NRG1: variants seen among roughly 807,000 people sequenced by gnomAD.
NRG1 encodes pro-neuregulin-1, membrane-bound isoform.
NRG1 carries 18 observed loss-of-function variants against 63.8 expected under a neutral mutation model. The ratio of observed to expected loss-of-function variants is 0.28; its 90% CI spans 0.19 to 0.42. The LOEUF is 0.42. Among genes scored for constraint, NRG1 ranks in the 10% least tolerant of loss-of-function variants. NRG1 has a pLI of 1.00. For synonymous variants in NRG1, 302 were observed against 301.3 expected (o/e 1.00, Z -0.02); for missense variants, 762 against 814.7 (o/e 0.94, Z 0.79).
intron 1 of NRG1, among the ~76,000 whole-genome samples, chr8:32,019,502 T>G (rs144201239): frequency 2.6e-5 from 4 of 152,380 alleles, no homozygotes; most frequent in Admixed American, 6.5e-5. Flanking sequence ...TTCACTTTAT[T>G]AATAATGTCT....
At chr8:32,537,806 C>T (rs1356510350) in intron 1 of NRG1, among the ~76,000 whole-genome samples, 2 of 152,120 alleles carry the variant, frequency 1.3e-5, no homozygotes, top group East Asian at 3.9e-4. Context: ...TACACCAGTG[C>T]TTTTTCAAGG....
At position 31,691,474 on chromosome 8, in the gene NRG1, A is replaced by G. The variant is rs144518332; in HGVS notation, c.37+52043A>G. ...GCTGGGCGCAGTGGCGGGCAACTGT[A>G]GTCCCAGCTACTCGGGAGGCTGAGG... On this transcript the variant is annotated intron_variant, in intron 1 of 10. Transcript: ENST00000519301. Among the ~76,000 whole-genome samples, 1,358 of 151,812 alleles carry G rather than the reference A, an allele frequency of 8.9e-3. 20 individuals carry two copies. The highest frequency in any genetic ancestry group is 0.031 in the African/African-American group (1,292 of 41,442).
intron 1 of NRG1, among the ~76,000 whole-genome samples, chr8:32,350,156 C>T (rs1337364216): frequency 6.6e-6 from 1 of 152,120 alleles, no homozygotes; most frequent in African/African-American, 2.4e-5. Flanking sequence ...TCTTCTTTCC[C>T]AAGCTTGTCA....
chr8:32,413,354 G>C (rs907663664), intron 1 of NRG1, among the ~76,000 whole-genome samples: 1 of 152,094 alleles, frequency 6.6e-6, no homozygotes, highest in Non-Finnish European at 1.5e-5. Context: ...AGAGTAAAAG[G>C]CCTGTTACAA....
chr8:31,894,760 C>T (rs563156023), intron 1 of NRG1, among the ~76,000 whole-genome samples: 3 of 151,856 alleles, frequency 2.0e-5, no homozygotes, highest in Non-Finnish European at 2.9e-5. Context: ...CTGTGTTAGC[C>T]GGGATGGTCT....
At chr8:31,999,828 C>T (rs1206530633) in intron 1 of NRG1, among the ~76,000 whole-genome samples, 1 of 151,762 alleles carries the variant, frequency 6.6e-6, no homozygotes, top group East Asian at 1.9e-4. Flanking sequence ...AAAGGCCATA[C>T]ATTTTGTAAA....
intron 1 of NRG1, among the ~76,000 whole-genome samples, chr8:32,567,621 G>A (rs35525180): frequency 0.29 from 43,865 of 152,080 alleles, 7,578 homozygotes; most frequent in East Asian, 0.79. Flanking sequence ...TGTCTGGGAC[G>A]TAAAAACTTT....
chr8:32,051,751 G>A (rs891620386), intron 1 of NRG1, among the ~76,000 whole-genome samples: 4 of 152,084 alleles, frequency 2.6e-5, no homozygotes, highest in Admixed American at 2.0e-4. Flanking sequence ...AGATGTGAGA[G>A]GGGGAATGAT....
chr8:31,655,770 T>C (rs1039635481), intron 1 of NRG1, among the ~76,000 whole-genome samples: 3 of 152,182 alleles, frequency 2.0e-5, no homozygotes, highest in Non-Finnish European at 4.4e-5. Flanking sequence ...GATGTGTGCC[T>C]GGACTAGAGT....
intron 5 of NRG1, among the ~76,000 whole-genome samples, chr8:32,628,733 CT>C (rs66843732): frequency 0.03 from 4,190 of 138,072 alleles, 132 homozygotes; most frequent in East Asian, 0.11. Context: ...ACTTTCTGCC[CT>C]TTTTTTTTTT....
At chr8:31,989,933 C>A (rs947871030) in intron 1 of NRG1, among the ~76,000 whole-genome samples, 2 of 152,092 alleles carry the variant, frequency 1.3e-5, no homozygotes, top group Non-Finnish European at 2.9e-5. Context: ...GTCTAGCAAG[C>A]AATTTCTCAT....
chr8:31,802,430 T>TAG, intron 1 of NRG1, among the ~76,000 whole-genome samples: 1 of 152,290 alleles, frequency 6.6e-6, no homozygotes, highest in South Asian at 2.1e-4. Flanking sequence ...TTTTGGGTGT[T>TAG]ACATTTGTTC....
At chr8:32,576,480 A>C (rs1444691775) in intron 1 of NRG1, among the ~76,000 whole-genome samples, 1 of 152,112 alleles carries the variant, frequency 6.6e-6, no homozygotes, top group Non-Finnish European at 1.5e-5. Context: ...AAGATTCTGA[A>C]TTTTTTCAGA....
chr8:32,357,428 A>G (rs1296701468), intron 1 of NRG1, among the ~76,000 whole-genome samples: 1 of 152,228 alleles, frequency 6.6e-6, no homozygotes, highest in Non-Finnish European at 1.5e-5. Context: ...AAGAATATAC[A>G]TAATATATCT....
intron 5 of NRG1, among the ~76,000 whole-genome samples, chr8:32,714,807 TACAC>T (rs928706864): frequency 1.1e-4 from 17 of 152,148 alleles, no homozygotes; most frequent in African/African-American, 4.1e-4. Context: ...CACTCACACA[TACAC>T]ACACAAGCTC....
intron 1 of NRG1, among the ~76,000 whole-genome samples, chr8:31,994,619 A>G (rs1811620495): frequency 7.8e-6 from 1 of 127,652 alleles, no homozygotes; most frequent in Non-Finnish European, 1.6e-5. Context: ...GTGCCATTGT[A>G]CTCCAGCCTG....
chr8:32,636,858 A>G (rs1014717937), intron 5 of NRG1, among the ~76,000 whole-genome samples: 5 of 152,172 alleles, frequency 3.3e-5, no homozygotes, highest in South Asian at 2.1e-4. Context: ...TTAAAAATCA[A>G]TTCCTTAAAA....
At chr8:32,387,530 G>A (rs529082200) in intron 1 of NRG1, among the ~76,000 whole-genome samples, 39 of 152,252 alleles carry the variant, frequency 2.6e-4, no homozygotes, top group African/African-American at 8.9e-4. Flanking sequence ...CTGAGCCATA[G>A]CTAGGCTTAT....
chr8:32,114,539 C>A (rs1015369751), intron 1 of NRG1, among the ~76,000 whole-genome samples: 1 of 152,178 alleles, frequency 6.6e-6, no homozygotes, highest in Non-Finnish European at 1.5e-5. Context: ...TATGAGCCCA[C>A]AGCCACCCCA....
Sources: gnomAD v4.1 joint callset for allele counts (sites outside exome capture counted in the v4.1 genomes callset) on GRCh38, gnomAD v4.1.1 for gene constraint, MANE v1.5 for transcripts, NCBI Gene and HGNC (gene_info 2026-07-23, HGNC 2026-07-21) for gene names.